Variants in FNDC3B observed in about 807,000 individuals in gnomAD.
The protein encoded by FNDC3B is fibronectin type III domain containing 3B.
Under a neutral mutation model 151.5 loss-of-function variants are expected in FNDC3B, and 12 were observed. The ratio of observed to expected loss-of-function variants is 0.08; its 90% confidence interval spans 0.05 to 0.13. The LOEUF (loss-of-function observed/expected upper bound fraction) is 0.13, where lower values mean the gene tolerates loss of function less well. Among genes scored for constraint, FNDC3B ranks in the 10% least tolerant of loss-of-function variants. The pLI is 1.00. For missense variants in FNDC3B, 1,214 were observed against 1,505.3 expected (o/e 0.81, Z 3.20); for synonymous variants, 528 against 549.0 (o/e 0.96, Z 0.54).
intron 3 of FNDC3B, among the ~76,000 whole-genome samples, chr3:172,166,961 A>G (rs547577912): frequency 2.0e-5 from 3 of 152,344 alleles, no homozygotes; most frequent in South Asian, 2.1e-4. Flanking sequence ...TAGTGAAGGA[A>G]AAGTGAAAAA....
rs1248817479 is a variant in FNDC3B, at chr3:172,330,666, C to T, written c.1505C>T (p.Ser502Leu). 2 of 1,613,994 alleles carry T rather than the reference C, an allele frequency of 1.2e-6. No homozygotes were observed. Among genetic ancestry groups the T allele is most frequent in the African/African-American group, 1.3e-5 (1 of 74,926 alleles). Residue 502 changes from serine to leucine, a missense_variant, in exon 13 of 26, where the codon TCA becomes TTA. This residue lies in a region of FNDC3B where 111 missense variants were observed against 96.8 expected (regional missense o/e 1.15). Coordinates refer to ENST00000415807, the MANE Select transcript of FNDC3B (RefSeq NM_022763.4). ...CAGTGGAGTAAGCCAGAAGGCTGTT[C>T]ACCCGAGGAAGTGATCACCTACACC... ...TLQWSKPEGC[S>L]PEEVITYTLE...
chr3:172,381,955 G>A (rs961235474), intron 25 of FNDC3B, among the ~76,000 whole-genome samples: 2 of 152,180 alleles, frequency 1.3e-5, no homozygotes, highest in Non-Finnish European at 2.9e-5. Context: ...CTTTATAGTA[G>A]AAGGATTTAT....
Position 172,289,134 on chromosome 3 carries a change from A to G in FNDC3B, c.849+3150A>G, listed in dbSNP as rs143421531. Among the ~76,000 whole-genome samples, 1,335 of 152,328 alleles carry G rather than the reference A, an allele frequency of 8.8e-3. 10 individuals carry two copies. The highest frequency in any genetic ancestry group is 0.015 in the Non-Finnish European group (1,023 of 68,016). On this transcript the variant is annotated intron_variant, in intron 7 of 25. Coordinates refer to ENST00000415807, the MANE Select transcript of FNDC3B (RefSeq NM_022763.4). ...GCTAGGCTGTAATCAAGGTGTTGGCAGGGCTATATTTCTTTCTAGAGGCTT... is the reference window on the plus strand; with the variant it reads ...GCTAGGCTGTAATCAAGGTGTTGGCGGGGCTATATTTCTTTCTAGAGGCTT...
intron 3 of FNDC3B, among the ~76,000 whole-genome samples, chr3:172,181,449 G>T (rs1176088829): frequency 6.7e-6 from 1 of 149,262 alleles, no homozygotes; most frequent in East Asian, 1.9e-4. Context: ...ACTGTCTTGT[G>T]GTCAAGTAGA....
At chr3:172,111,635 G>T (rs1217006151) in intron 1 of FNDC3B, among the ~76,000 whole-genome samples, 2 of 152,182 alleles carry the variant, frequency 1.3e-5, no homozygotes, top group Non-Finnish European at 2.9e-5. Flanking sequence ...GGGATGGAGG[G>T]AGGAGAGGTA....
intron 3 of FNDC3B, among the ~76,000 whole-genome samples, chr3:172,201,295 C>G (rs1007142695): frequency 2.9e-4 from 44 of 152,156 alleles, no homozygotes; most frequent in Admixed American, 2.6e-4. Flanking sequence ...GTTTTTCCAC[C>G]CTGCTTCTGG....
chr3:172,153,309 TC>T (rs1243470886), intron 3 of FNDC3B, among the ~76,000 whole-genome samples: 2 of 152,218 alleles, frequency 1.3e-5, no homozygotes, highest in African/African-American at 4.8e-5. Context: ...ATTCTGTGTC[TC>T]CCCTGAGCTG....
intron 2 of FNDC3B, among the ~76,000 whole-genome samples, chr3:172,117,644 G>A (rs1231138871): frequency 6.6e-6 from 1 of 152,202 alleles, no homozygotes; most frequent in Admixed American, 6.5e-5. Flanking sequence ...CTGCATGAGA[G>A]TAGTGTGCCA....
At chr3:172,117,469 T>G (rs978460145) in intron 2 of FNDC3B, among the ~76,000 whole-genome samples, 5 of 152,234 alleles carry the variant, frequency 3.3e-5, no homozygotes, top group African/African-American at 1.2e-4. Flanking sequence ...AGAATAAACA[T>G]CAGCCCAAAT....
At chr3:172,325,079 A>G (rs957765818) in intron 11 of FNDC3B, among the ~76,000 whole-genome samples, 1 of 152,264 alleles carries the variant, frequency 6.6e-6, no homozygotes, top group Non-Finnish European at 1.5e-5. Context: ...GGCCAGGATT[A>G]GGCCTAAGTC....
At chr3:172,201,157 G>A (rs981046179) in intron 3 of FNDC3B, among the ~76,000 whole-genome samples, 1 of 152,188 alleles carries the variant, frequency 6.6e-6, no homozygotes, top group Non-Finnish European at 1.5e-5. Flanking sequence ...GCCCCAGCCA[G>A]CCTCTCTAAT....
intron 7 of FNDC3B, among the ~76,000 whole-genome samples, chr3:172,287,183 A>G (rs768685792): frequency 2.0e-5 from 3 of 152,130 alleles, no homozygotes; most frequent in Non-Finnish European, 4.4e-5. Context: ...GACTTCTGCT[A>G]CTGTATTTAA....
intron 4 of FNDC3B, among the ~76,000 whole-genome samples, chr3:172,232,914 A>T (rs1726961205): frequency 1.3e-5 from 2 of 152,244 alleles, no homozygotes; most frequent in Non-Finnish European, 2.9e-5. Context: ...GGCACTCAGT[A>T]AGTAGTAGCT....
chr3:172,390,259 C>T (rs1361434028), intron 25 of FNDC3B, among the ~76,000 whole-genome samples: 1 of 152,126 alleles, frequency 6.6e-6, no homozygotes, highest in East Asian at 1.9e-4. Context: ...ATTAAAATAA[C>T]AAGAATAGCT....
At chr3:172,086,341 C>G (rs573741661) in intron 1 of FNDC3B, among the ~76,000 whole-genome samples, 1 of 145,516 alleles carries the variant, frequency 6.9e-6, no homozygotes, top group African/African-American at 2.5e-5. Flanking sequence ...GCCTGGATGA[C>G]AGAGCAAGAC....
intron 16 of FNDC3B, 107 bp downstream of exon 16, chr3:172,337,508 G>T (rs1437464511): frequency 6.6e-6 from 5 of 757,206 alleles, no homozygotes; most frequent in Non-Finnish European, 1.1e-5. Context: ...TCTAAAGATA[G>T]AATTATTATT....
chr3:172,161,314 T>C (rs1722753769), intron 3 of FNDC3B, among the ~76,000 whole-genome samples: 2 of 152,196 alleles, frequency 1.3e-5, no homozygotes, highest in Admixed American at 1.3e-4. Flanking sequence ...AATGAAGCCT[T>C]CTGGTTAATG....
At chr3:172,317,386 A>G (rs1731855141) in intron 11 of FNDC3B, 3 of 278,378 alleles carry the variant, frequency 1.1e-5, no homozygotes, top group South Asian at 2.9e-5. Context: ...GGGTTTCACC[A>G]TGTTAGCCAG....
Position 172,215,987 on chromosome 3 carries a change from C to T in FNDC3B, c.188-10884C>T, listed in dbSNP as rs562735699. On this transcript the variant is annotated intron_variant, in intron 3 of 25. Coordinates refer to ENST00000415807, the MANE Select transcript of FNDC3B (RefSeq NM_022763.4). ...TCCTATTCACCTCTCCTGGGAACTC[C>T]GTCTTGAGTTTGTTATTAGCTGAAA... 9.6e-4 allele frequency among the ~76,000 whole-genome samples: 142 copies of T among 147,598 alleles called. 1 individual carries two copies. Among genetic ancestry groups the T allele is most frequent in the Non-Finnish European group, 1.1e-3 (74 of 67,022 alleles).
Sources: allele counts gnomAD v4.1 joint callset (sites outside exome capture counted in the v4.1 genomes callset), GRCh38; gene constraint gnomAD v4.1.1; regional missense constraint gnomAD v4.1.1; transcripts MANE v1.5; gene names NCBI Gene and HGNC (gene_info 2026-07-23, HGNC 2026-07-21).